NBEA: variants seen among roughly 807,000 people sequenced by gnomAD.
The protein encoded by NBEA is lysosomal-trafficking regulator 2.
A neutral mutation model predicts 343.4 loss-of-function variants in NBEA; 44 were observed. The ratio of observed to expected loss-of-function variants is 0.13; its 90% CI spans 0.10 to 0.16. NBEA has a LOEUF of 0.16. NBEA is among the 10% of genes least tolerant of loss of function. The pLI, the probability that NBEA is intolerant of heterozygous loss-of-function variation, is 1.00. For synonymous variants in NBEA, 1,175 were observed against 1,238.7 expected (o/e 0.95, Z 1.08); for missense variants, 2,555 against 3,631.3 (o/e 0.70, Z 7.62).
rs796998864 is a variant in NBEA, at chr13:35,261,818, G to C, written c.5777-28571G>C. The stretch of plus-strand genomic sequence containing the variant: ...GGAGTTCAAGGAAAAGGGGTTGAGA[G>C]TGGAAAATAATACCCAAATATTTTG... On this transcript the variant is annotated intron_variant, in intron 34 of 58. Transcript: ENST00000379939. Among the ~76,000 whole-genome samples the C allele has an allele frequency of 4.1e-4, 62 of 152,252 alleles. 1 individual carries two copies. Among genetic ancestry groups the C allele is most frequent in the African/African-American group, 1.4e-3 (59 of 41,554 alleles).
intron 18 of NBEA, among the ~76,000 whole-genome samples, chr13:35,154,232 G>C (rs1451675008): frequency 6.6e-6 from 1 of 152,106 alleles, no homozygotes; most frequent in Non-Finnish European, 1.5e-5. Context: ...GAAGGGGAAG[G>C]AAAATGAAAC....
intron 27 of NBEA, 83 bp from the exon 28 acceptor site, chr13:35,176,913 C>A: frequency 1.2e-6 from 1 of 838,754 alleles, no homozygotes; most frequent in Non-Finnish European, 1.9e-6. Context: ...ATGATGTGAC[C>A]AGTTTAGCCT....
intron 1 of NBEA, among the ~76,000 whole-genome samples, chr13:35,001,364 T>G (rs1320648246): frequency 6.6e-6 from 1 of 152,100 alleles, no homozygotes; most frequent in Admixed American, 6.6e-5. Context: ...AAGAGATACT[T>G]GCACTCCCAT....
At chr13:35,060,283 G>A (rs2063419238) in intron 8 of NBEA, among the ~76,000 whole-genome samples, 2 of 151,906 alleles carry the variant, frequency 1.3e-5, no homozygotes, top group Admixed American at 6.6e-5. Context: ...AAGGAAAAGG[G>A]CTGAATATAA....
intron 44 of NBEA, among the ~76,000 whole-genome samples, chr13:35,555,815 CATAA>C (rs1410301087): frequency 1.3e-5 from 2 of 152,004 alleles, no homozygotes; most frequent in Admixed American, 1.3e-4. Context: ...CAAATAACCA[CATAA>C]ATAAAGGTGC....
intron 38 of NBEA, among the ~76,000 whole-genome samples, chr13:35,387,737 A>G (rs978844783): frequency 2.2e-5 from 3 of 137,212 alleles, no homozygotes; most frequent in African/African-American, 8.2e-5. Flanking sequence ...TTTTGCTAGG[A>G]AAAAAAAATG....
chr13:35,478,018 C>T (rs1370043166), intron 41 of NBEA, among the ~76,000 whole-genome samples: 1 of 152,012 alleles, frequency 6.6e-6, no homozygotes, highest in Non-Finnish European at 1.5e-5. Context: ...AATTTAGATG[C>T]CACGTCTTTC....
At chr13:35,659,810 C>G (rs2084988669) in intron 55 of NBEA, among the ~76,000 whole-genome samples, 1 of 152,170 alleles carries the variant, frequency 6.6e-6, no homozygotes, top group South Asian at 2.1e-4. Flanking sequence ...AGGTCCCTAA[C>G]TAGATAACAG....
rs534768562 is a variant in NBEA, at chr13:35,187,494, T to G, written c.4927+3423T>G. On this transcript the variant is annotated intron_variant, in intron 30 of 58. Transcript: ENST00000379939. ...AATATAATAAATATTTTATAATATA[T>G]AATAACTATAATAAAGTAATTTTTC... 4.0e-5 allele frequency among the ~76,000 whole-genome samples: 6 copies of G among 150,126 alleles called. No homozygotes were observed. The East Asian group carries it at 1.2e-3, about 29-fold the overall frequency.
At chr13:34,943,828 T>A (rs983643509) in intron 1 of NBEA, among the ~76,000 whole-genome samples, 2 of 152,170 alleles carry the variant, frequency 1.3e-5, no homozygotes, top group African/African-American at 2.4e-5. Context: ...CTTTCAGTAG[T>A]GTGGCATGTG....
At chr13:35,116,980 A>T (rs1593398286) in intron 13 of NBEA, among the ~76,000 whole-genome samples, 1 of 152,022 alleles carries the variant, frequency 6.6e-6, no homozygotes, top group Admixed American at 6.6e-5. Context: ...AATAAAACAG[A>T]GTGTCATTTT....
intron 38 of NBEA, among the ~76,000 whole-genome samples, chr13:35,413,670 A>G (rs967002782): frequency 1.3e-5 from 2 of 152,184 alleles, no homozygotes; most frequent in South Asian, 2.1e-4. Flanking sequence ...TTATATCAAT[A>G]GTAATATTAA....
Position 35,042,618 on chromosome 13 carries a change from T to A in NBEA, c.526+1454T>A, listed in dbSNP as rs1420335163. Among the ~76,000 whole-genome samples the A allele has an allele frequency of 2.0e-5, 3 of 151,924 alleles. No homozygotes were observed. The East Asian group carries it at 5.8e-4, about 29-fold the overall frequency. On this transcript the variant is annotated intron_variant, in intron 2 of 58. Coordinates refer to ENST00000379939, the MANE Select transcript of NBEA (RefSeq NM_001385012.1). ...GTGAAGATGATTGTACCATAGAAGT[T>A]CATATCTTGACATTGCTGTTACATA...
At chr13:35,366,569 T>C (rs1253430354) in intron 38 of NBEA, among the ~76,000 whole-genome samples, 4 of 151,224 alleles carry the variant, frequency 2.6e-5, no homozygotes, top group African/African-American at 9.7e-5. Flanking sequence ...ATTGTGTTTT[T>C]ATTGTATTAT....
intron 45 of NBEA, among the ~76,000 whole-genome samples, chr13:35,580,404 T>G (rs1303159357): frequency 6.6e-6 from 1 of 152,184 alleles, no homozygotes; most frequent in African/African-American, 2.4e-5. Flanking sequence ...AAGTGTAGCC[T>G]TACCTTTTGA....
At chr13:35,354,356 A>T (rs1050510206) in intron 38 of NBEA, among the ~76,000 whole-genome samples, 3 of 152,160 alleles carry the variant, frequency 2.0e-5, no homozygotes, top group Admixed American at 1.3e-4. Flanking sequence ...ATGATTCAGG[A>T]TATTGCCTTA....
chr13:35,469,999 A>T (rs1216436575), intron 40 of NBEA, among the ~76,000 whole-genome samples: 1 of 152,218 alleles, frequency 6.6e-6, no homozygotes, highest in Non-Finnish European at 1.5e-5. Context: ...TAGTGGATTA[A>T]CTCTGTATTC....
intron 45 of NBEA, among the ~76,000 whole-genome samples, chr13:35,580,846 A>G (rs1159545743): frequency 6.6e-6 from 1 of 152,250 alleles, no homozygotes; most frequent in Non-Finnish European, 1.5e-5. Context: ...CCTACAAAGC[A>G]TTACTCTGTA....
chr13:35,123,361 C>T (rs2066904317), intron 16 of NBEA, 121 bp from the exon 17 acceptor site: 1 of 507,142 alleles, frequency 2.0e-6, no homozygotes, highest in Non-Finnish European at 3.2e-6. Context: ...AATTATAATC[C>T]TGAGAAGAAA....
Sources: gnomAD v4.1 joint callset for allele counts (sites outside exome capture counted in the v4.1 genomes callset) on GRCh38, gnomAD v4.1.1 for gene constraint, MANE v1.5 for transcripts, NCBI Gene and HGNC (gene_info 2026-07-23, HGNC 2026-07-21) for gene names.